The following RBFOX1 variants were observed in gnomAD, a reference collection of about 807,000 sequenced individuals.
RBFOX1 encodes RNA binding fox-1 homolog 1.
A neutral mutation model predicts 57.7 loss-of-function variants in RBFOX1; 8 were observed. The observed-to-expected ratio is 0.14, with a 90% CI of 0.08 to 0.25. The LOEUF (loss-of-function observed/expected upper bound fraction) is 0.25. Among genes scored for constraint, RBFOX1 ranks in the 10% least tolerant of loss-of-function variants. The probability of loss-of-function intolerance (pLI) is 1.00; values close to 1 mark genes in which losing one functional copy is unlikely to be tolerated. For synonymous variants in RBFOX1, 326 were observed against 222.4 expected, an observed-to-expected ratio of 1.47 and a Z score of -4.15; for missense variants, 611 against 548.5, an observed-to-expected ratio of 1.11 and a Z score of -1.14.
At chr16:7,429,302 C>T (rs1239866472) in intron 4 of RBFOX1, among the ~76,000 whole-genome samples, 1 of 152,204 alleles carries the variant, frequency 6.6e-6, no homozygotes, top group African/African-American at 2.4e-5. Context: ...ACTCAGGGAT[C>T]TCAAGGACTT....
chr16:7,315,906 C>G (rs896905785), intron 4 of RBFOX1, among the ~76,000 whole-genome samples: 5 of 152,076 alleles, frequency 3.3e-5, no homozygotes, highest in East Asian at 3.9e-4. Flanking sequence ...TGATGGGTTA[C>G]TAAACAATCT....
At chr16:5,254,722 C>G (rs561519511) in intron 1 of RBFOX1, among the ~76,000 whole-genome samples, 2 of 152,272 alleles carry the variant, frequency 1.3e-5, no homozygotes, top group Middle Eastern at 6.8e-3. Flanking sequence ...TTAGTGAGGG[C>G]TGGATTGAAG....
chr16:7,256,189 G>A (rs954970390), intron 4 of RBFOX1, among the ~76,000 whole-genome samples: 1 of 152,144 alleles, frequency 6.6e-6, no homozygotes, highest in African/African-American at 2.4e-5. Context: ...CGAGAAGCTG[G>A]AGATGGTATG....
At chr16:5,450,803 G>A (rs1467337957) in intron 1 of RBFOX1, among the ~76,000 whole-genome samples, 1 of 152,150 alleles carries the variant, frequency 6.6e-6, no homozygotes, top group Admixed American at 6.5e-5. Context: ...TGGGACCGCA[G>A]GGATTCAGAG....
At chr16:6,736,465 T>A (rs113006897) in intron 3 of RBFOX1, among the ~76,000 whole-genome samples, 1 of 152,134 alleles carries the variant, frequency 6.6e-6, no homozygotes. Flanking sequence ...ATCTCATCCA[T>A]GTCATTGCAA....
At chr16:5,827,045 G>A (rs1406640369) in intron 3 of RBFOX1, among the ~76,000 whole-genome samples, 1 of 152,100 alleles carries the variant, frequency 6.6e-6, no homozygotes, top group Non-Finnish European at 1.5e-5. Flanking sequence ...TTGACTCTAC[G>A]AATATTCTTT....
intron 2 of RBFOX1, among the ~76,000 whole-genome samples, chr16:6,576,636 T>G (rs1482596594): frequency 6.9e-6 from 1 of 144,338 alleles, no homozygotes; most frequent in African/African-American, 2.6e-5. Flanking sequence ...AATGGGGGGT[T>G]GTTCCTATTT....
intron 13 of RBFOX1, among the ~76,000 whole-genome samples, chr16:7,667,693 T>C (rs1023020343): frequency 2.0e-5 from 3 of 152,152 alleles, no homozygotes; most frequent in African/African-American, 7.2e-5. Flanking sequence ...GTTATTATTA[T>C]ATTTTTTGAG....
intron 3 of RBFOX1, chr16:6,776,038 C>G (rs373067716): frequency 6.6e-6 from 1 of 152,160 alleles, no homozygotes; most frequent in Non-Finnish European, 1.5e-5. Context: ...CAACACTTTA[C>G]TTTCTTGGAT....
intron 1 of RBFOX1, among the ~76,000 whole-genome samples, chr16:6,229,301 T>G (rs2097440558): frequency 6.6e-6 from 1 of 152,246 alleles, no homozygotes; most frequent in African/African-American, 2.4e-5. Context: ...AACAGTCTCA[T>G]CGTTCTCCTG....
At chr16:7,706,046 T>G (rs1028124039) in intron 14 of RBFOX1, among the ~76,000 whole-genome samples, 9 of 152,278 alleles carry the variant, frequency 5.9e-5, no homozygotes, top group African/African-American at 2.2e-4. Flanking sequence ...TGCTGTGCTC[T>G]GTCTCCGGGC....
At chr16:5,528,428 C>A (rs1009289826) in intron 2 of RBFOX1, among the ~76,000 whole-genome samples, 1 of 152,194 alleles carries the variant, frequency 6.6e-6, no homozygotes, top group African/African-American at 2.4e-5. Context: ...GCACCGGGGC[C>A]ACATCTGAGC....
intron 3 of RBFOX1, among the ~76,000 whole-genome samples, chr16:6,807,312 C>G (rs1232669534): frequency 6.6e-6 from 1 of 151,922 alleles, no homozygotes; most frequent in African/African-American, 2.4e-5. Flanking sequence ...CTAGGGCATA[C>G]AATGAAGAGA....
chr16:5,422,198 AAGGAGAAAGGTGG>A (rs1336560969), intron 1 of RBFOX1, among the ~76,000 whole-genome samples: 9 of 150,244 alleles, frequency 6.0e-5, no homozygotes, highest in African/African-American at 2.2e-4. Flanking sequence ...GAGAGGGAGG[AAGGAGAAAGGTGG>A]AGGAGAGAGG....
intron 4 of RBFOX1, among the ~76,000 whole-genome samples, chr16:7,208,796 C>T (rs1340027776): frequency 2.0e-5 from 3 of 152,140 alleles, no homozygotes; most frequent in Admixed American, 6.5e-5. Flanking sequence ...GTGATTGCAG[C>T]ACTTGCAATC....
chr16:6,954,349 C>T (rs79747784), intron 3 of RBFOX1, among the ~76,000 whole-genome samples: 1 of 152,092 alleles, frequency 6.6e-6, no homozygotes, highest in South Asian at 2.1e-4. Flanking sequence ...TTTATAGTTA[C>T]AATAACGGTC....
At chr16:7,362,507 G>GTT (rs201760759) in intron 4 of RBFOX1, among the ~76,000 whole-genome samples, 8,640 of 147,956 alleles carry the variant, frequency 0.058, 620 homozygotes, top group African/African-American at 0.18. Context: ...GTATGTGCAT[G>GTT]TTTTTTGTGT....
chr16:5,263,405 G>C, intron 1 of RBFOX1, among the ~76,000 whole-genome samples: 1 of 152,168 alleles, frequency 6.6e-6, no homozygotes, highest in East Asian at 1.9e-4. Context: ...AACAAAGTTT[G>C]GGAACACAGG....
At chr16:6,550,941 C>T (rs534800190) in intron 2 of RBFOX1, among the ~76,000 whole-genome samples, 1 of 152,102 alleles carries the variant, frequency 6.6e-6, no homozygotes, top group Non-Finnish European at 1.5e-5. Context: ...TCATTTGGGT[C>T]TGGCTGTGTT....
Sources: gnomAD v4.1 joint callset for allele counts (sites outside exome capture counted in the v4.1 genomes callset) on GRCh38, gnomAD v4.1.1 for gene constraint, MANE v1.5 for transcripts, NCBI Gene and HGNC (gene_info 2026-07-23, HGNC 2026-07-21) for gene names.